Variants in MICU2 observed in about 807,000 individuals in gnomAD.
MICU2 encodes the protein mitochondrial calcium uptake 2.
MICU2 carries 64 observed loss-of-function variants against 60.4 expected under a neutral mutation model. The observed-to-expected ratio is 1.06, with a 90% confidence interval of 0.87 to 1.31. The LOEUF (loss-of-function observed/expected upper bound fraction) is 1.31. Ranked by LOEUF, MICU2 falls within the 50% of genes most tolerant of loss-of-function variation. The probability of loss-of-function intolerance (pLI) is 0.00; values close to 1 mark genes in which losing one functional copy is unlikely to be tolerated. For synonymous variants in MICU2, 201 were observed against 175.0 expected, an observed-to-expected ratio of 1.15 and a Z score of -1.17; for missense variants, 569 against 531.0, an observed-to-expected ratio of 1.07 and a Z score of -0.70.
chr13:21,545,744 GAGGAAGAGAGGGAT>G (rs1887401550), intron 2 of MICU2, among the ~76,000 whole-genome samples: 1 of 152,126 alleles, frequency 6.6e-6, no homozygotes, highest in Non-Finnish European at 1.5e-5. Context: ...GGAAGGGTGG[GAGGAAGAGAGGGAT>G]AGGAAGAGAT....
chr13:21,532,759 G>A (rs1229079875), intron 4 of MICU2, among the ~76,000 whole-genome samples: 2 of 152,176 alleles, frequency 1.3e-5, no homozygotes, highest in Non-Finnish European at 2.9e-5. Context: ...CATTGAATTG[G>A]TAACAAGGAG....
chr13:21,557,908 A>G (rs1342457114), intron 2 of MICU2, among the ~76,000 whole-genome samples: 1 of 152,156 alleles, frequency 6.6e-6, no homozygotes, highest in African/African-American at 2.4e-5. Flanking sequence ...CTTTGAATAT[A>G]TTTACAATGG....
intron 8 of MICU2, among the ~76,000 whole-genome samples, chr13:21,505,943 T>G (rs1227405087): frequency 6.6e-6 from 1 of 152,134 alleles, no homozygotes; most frequent in African/African-American, 2.4e-5. Flanking sequence ...CCATGCACCA[T>G]GTAAGTACCT....
At chr13:21,522,883 TG>T (rs1886753171) in intron 4 of MICU2, among the ~76,000 whole-genome samples, 1 of 152,254 alleles carries the variant, frequency 6.6e-6, no homozygotes, top group South Asian at 2.1e-4. Context: ...TGGTTTTAAG[TG>T]TCAGTTTGAC....
intron 11 of MICU2, among the ~76,000 whole-genome samples, chr13:21,494,259 T>C (rs996471551): frequency 6.6e-6 from 1 of 152,214 alleles, no homozygotes; most frequent in African/African-American, 2.4e-5. Context: ...AGCTTTATTT[T>C]CATGAATAGT....
intron 10 of MICU2, chr13:21,495,681 G>A (rs1199942): frequency 0.51 from 109,210 of 214,368 alleles, 28,324 homozygotes; most frequent in Middle Eastern, 0.58. Flanking sequence ...GATTACAGGC[G>A]CCTGCCACCA....
rs1886209465 is a variant in MICU2 at position 21,502,828 on chromosome 13, G to A, written c.933+98C>T. On this transcript the variant is annotated intron_variant, in intron 9 of 11. Transcript: ENST00000382374. ...CAAGTTGATTTTATATACCATCGAG[G>A]GTAGCACAGTCTTGGTTAATTCAGA... 51 of 1,138,330 alleles carry A rather than the reference G, an allele frequency of 4.5e-5. 1 individual carries two copies. The South Asian group carries it at 6.9e-4, about 15-fold the overall frequency. 70.5% of individuals were successfully genotyped at this position (1,138,330 alleles called of 1,614,324 possible). A position where few individuals can be genotyped will look rare whatever the true frequency, so the allele number is the denominator to read the frequency against.
At chr13:21,544,917 G>C (rs575436057) in intron 2 of MICU2, among the ~76,000 whole-genome samples, 47 of 152,242 alleles carry the variant, frequency 3.1e-4, no homozygotes, top group African/African-American at 1.1e-3. Flanking sequence ...CTCCCAAAGT[G>C]CTAGGATTAC....
chr13:21,531,940 G>A (rs919401850), intron 4 of MICU2, among the ~76,000 whole-genome samples: 1 of 152,176 alleles, frequency 6.6e-6, no homozygotes, highest in Non-Finnish European at 1.5e-5. Flanking sequence ...AGCAAAGCTG[G>A]TAAAGAAATA....
At chr13:21,508,077 T>C (rs948547046) in intron 8 of MICU2, among the ~76,000 whole-genome samples, 16 of 152,010 alleles carry the variant, frequency 1.1e-4, no homozygotes, top group African/African-American at 3.9e-4. Flanking sequence ...CTGGAAATCT[T>C]TTCTACTTCA....
At chr13:21,532,857 G>C (rs754753804) in intron 4 of MICU2, among the ~76,000 whole-genome samples, 23 of 152,108 alleles carry the variant, frequency 1.5e-4, no homozygotes, top group African/African-American at 5.1e-4. Flanking sequence ...AGGTGAGGAA[G>C]TGAACACAAC....
intron 2 of MICU2, among the ~76,000 whole-genome samples, chr13:21,554,092 A>C (rs1402587103): frequency 6.6e-6 from 1 of 152,136 alleles, no homozygotes; most frequent in Non-Finnish European, 1.5e-5. Context: ...GGGAGACTTT[A>C]ACACCCCACT....
intron 2 of MICU2, among the ~76,000 whole-genome samples, chr13:21,541,714 G>A (rs1887287076): frequency 6.6e-6 from 1 of 152,058 alleles, no homozygotes; most frequent in African/African-American, 2.4e-5. Context: ...TAGACTCTTT[G>A]AATTCCATGA....
chr13:21,595,803 G>C (rs1236449993), intron 1 of MICU2, among the ~76,000 whole-genome samples: 1 of 152,230 alleles, frequency 6.6e-6, no homozygotes, highest in Non-Finnish European at 1.5e-5. Flanking sequence ...TCCCTGCTTT[G>C]GGGTGGAGGA....
At chr13:21,562,945 A>T (rs1191245844) in intron 2 of MICU2, among the ~76,000 whole-genome samples, 1 of 152,144 alleles carries the variant, frequency 6.6e-6, no homozygotes, top group African/African-American at 2.4e-5. Flanking sequence ...AAATTCTCTC[A>T]AATTTGGTTT....
intron 1 of MICU2, among the ~76,000 whole-genome samples, chr13:21,581,404 C>A (rs778104596): frequency 2.6e-5 from 4 of 152,162 alleles, no homozygotes; most frequent in Non-Finnish European, 5.9e-5. Context: ...AGGTGTGAGC[C>A]ACTACTCTGC....
intron 1 of MICU2, among the ~76,000 whole-genome samples, chr13:21,567,993 A>G (rs1336944872): frequency 6.6e-6 from 1 of 152,212 alleles, no homozygotes; most frequent in Non-Finnish European, 1.5e-5. Flanking sequence ...ATCTTGATAC[A>G]AGAACATATT....
rs1266490561 is a variant in MICU2, at chr13:21,510,092, C to T, written c.673G>A (p.Val225Met). 4 of 1,438,838 alleles carry T rather than the reference C, an allele frequency of 2.8e-6. No homozygotes were observed. The highest frequency in any genetic ancestry group is 9.2e-7 in the Non-Finnish European group (1 of 1,090,274). 89.1% of individuals were successfully genotyped at this position (1,438,838 alleles called of 1,614,324 possible). ...TNETGYQEAI[V>M]KEPEINTTLQ... Reference sequence around the variant, plus strand: ...GTTGTGTTAATTTCAGGTTCTTTCACTATTGCTTCCTATTAAAAAAATCAC... The same window carrying T: ...GTTGTGTTAATTTCAGGTTCTTTCATTATTGCTTCCTATTAAAAAAATCAC... Residue 225 changes from valine to methionine, a missense_variant, in exon 8 of 12, where the codon GTG becomes ATG. Coordinates refer to ENST00000382374, the MANE Select transcript of MICU2 (RefSeq NM_152726.3).
Position 21,530,241 on chromosome 13 carries a change from G to A in MICU2, c.467-7591C>T, listed in dbSNP as rs531920028. ...ATTTTAAAAATTTATCTTTGACTCTGTAATGAATGCTATGTATATTCTCTA... is the reference window on the plus strand; with the variant it reads ...ATTTTAAAAATTTATCTTTGACTCTATAATGAATGCTATGTATATTCTCTA... On this transcript the variant is annotated intron_variant, in intron 4 of 11. Coordinates refer to ENST00000382374, the MANE Select transcript of MICU2 (RefSeq NM_152726.3). Among the ~76,000 whole-genome samples the A allele has an allele frequency of 1.7e-3, 264 of 152,230 alleles. 3 individuals carry two copies. The highest frequency in any genetic ancestry group is 6.1e-3 in the African/African-American group (255 of 41,538).
Sources: allele counts gnomAD v4.1 joint callset (sites outside exome capture counted in the v4.1 genomes callset), GRCh38; gene constraint gnomAD v4.1.1; transcripts MANE v1.5; gene names NCBI Gene and HGNC (gene_info 2026-07-23, HGNC 2026-07-21).